The following DNAH12 variants were observed in gnomAD, a reference collection of about 807,000 sequenced individuals.
DNAH12 encodes the protein axonemal beta dynein heavy chain 12.
Under a neutral mutation model 371.5 loss-of-function variants are expected in DNAH12, and 285 were observed. The observed-to-expected ratio is 0.77, with a 90% CI of 0.70 to 0.85. The LOEUF is 0.85. DNAH12 is among the 40% of genes least tolerant of loss of function. The pLI, the probability that DNAH12 is intolerant of heterozygous loss-of-function variation, is 0.00. For missense variants in DNAH12, 3,611 were observed against 3,689.4 expected (o/e 0.98, Z 0.55); for synonymous variants, 1,200 against 1,213.0 (o/e 0.99, Z 0.22).
chr3:57,315,640 G>C (rs748997587), intron 65 of DNAH12, among the ~76,000 whole-genome samples: 3 of 151,932 alleles, frequency 2.0e-5, no homozygotes, highest in Admixed American at 1.3e-4. Flanking sequence ...AGAAAGATGC[G>C]GGTGAAGGTG....
chr3:57,436,888 T>G, intron 30 of DNAH12, 63 bp downstream of exon 30: 1 of 1,148,402 alleles, frequency 8.7e-7, no homozygotes, highest in Non-Finnish European at 1.2e-6. Context: ...GGTTCATGGA[T>G]TTTAGTTGTT....
intron 4 of DNAH12, among the ~76,000 whole-genome samples, chr3:57,515,246 T>C (rs78850245): frequency 0.01 from 1,537 of 152,218 alleles, 30 homozygotes; most frequent in African/African-American, 0.034. Context: ...TAAATACCAT[T>C]CTCCACTAAA....
Position 57,308,025 on chromosome 3 carries a change from T to C in DNAH12, c.11189+1126A>G, listed in dbSNP as rs138634423. ...TGTTCCATCTGCTATTCTACTACTC[T>C]TCAGGGATTATTCAGGCCCCCTCCC... On this transcript the variant is annotated intron_variant, in intron 69 of 73. Coordinates refer to ENST00000495027, the MANE Select transcript of DNAH12 (RefSeq NM_001366028.2). 9.3e-4 allele frequency among the ~76,000 whole-genome samples: 141 copies of C among 152,272 alleles called. 1 individual carries two copies. In the East Asian group the frequency reaches 0.01, roughly 11 times the overall value.
At chr3:57,456,927 A>G (rs184239890) in intron 22 of DNAH12, among the ~76,000 whole-genome samples, 1 of 152,296 alleles carries the variant, frequency 6.6e-6, no homozygotes, top group East Asian at 1.9e-4. Flanking sequence ...GAAATTAACT[A>G]CAAAATTTAT....
intron 25 of DNAH12, among the ~76,000 whole-genome samples, chr3:57,450,023 G>A (rs1269702829): frequency 6.6e-5 from 10 of 152,302 alleles, no homozygotes; most frequent in Non-Finnish European, 1.3e-4. Context: ...ATAGGCAGGT[G>A]GATCACTTGA....
At position 57,394,207 on chromosome 3, in the gene DNAH12, G is replaced by A. The variant is rs1170780295; in HGVS notation, c.7074C>T (p.Asn2358=). 6.6e-6 allele frequency: 1 copy of A among 152,182 alleles called. No homozygotes were observed. Among genetic ancestry groups the A allele is most frequent in the Non-Finnish European group, 1.5e-5 (1 of 68,032 alleles). The allele number at this position is 152,182 out of a possible 1,614,324, so 9.4% of individuals were successfully genotyped here. The part of the protein sequence containing the change: ...DSVLNTGEVP[N]IFAADEKQEV... ...CCTGCTTCTCATCTGCTGCAAAAATGTTAGGCACTTCTCCTGTATTGAGCA... is the reference window on the plus strand; with the variant it reads ...CCTGCTTCTCATCTGCTGCAAAAATATTAGGCACTTCTCCTGTATTGAGCA... The change falls in exon 44 of 74, where the codon AAC becomes AAT. Residue 2358 remains asparagine, a synonymous_variant. Transcript: ENST00000495027.
At position 57,421,520 on chromosome 3, in the gene DNAH12, C is replaced by T. The variant is rs1285316902; in HGVS notation, c.5560G>A (p.Glu1854Lys). 1 of 1,551,542 alleles carries T rather than the reference C, an allele frequency of 6.4e-7. No individual in the cohort carries two copies. Among genetic ancestry groups the T allele is most frequent in the Middle Eastern group, 1.7e-4 (1 of 5,990 alleles). The change falls in exon 36 of 74, where the codon GAG (glutamate) becomes AAG (lysine). Residue 1854 changes from glutamate to lysine, a missense_variant and splice_region_variant. Physicochemically the swap from Glu to Lys is moderately conservative, Grantham distance 56. Around this residue, in one of 3 missense-constraint regions of DNAH12, gnomAD observed 2,266 missense variants for 2,236.9 expected, o/e 1.01. Transcript: ENST00000495027. ...EKGLVYDYMYELKNKGRWVHW... is the reference protein window; with the variant it reads ...EKGLVYDYMYKLKNKGRWVHW... The stretch of plus-strand genomic sequence containing the variant: ...ATAACAAGCTTTTTATGTCATACCT[C>T]ATACATGTAGTCATAGACCAGGCCT...
chr3:57,454,111 A>AACAC (rs1017852114), intron 23 of DNAH12, among the ~76,000 whole-genome samples: 5 of 151,542 alleles, frequency 3.3e-5, no homozygotes, highest in African/African-American at 4.8e-5. Flanking sequence ...CCTGTCTCTA[A>AACAC]ACACACACAC....
chr3:57,361,444 C>CACTATATATATATATATATATA lies in DNAH12; in HGVS notation c.9360+2149_9360+2150insTATATATATATATATATATAGT, dbSNP rs1409626573. ...CACTATATATATATACACACACACA[C>CACTATATATATATATATATATA]TATATATATATATATATATATATAT... On this transcript the variant is annotated intron_variant, in intron 58 of 73. Coordinates refer to ENST00000495027, the MANE Select transcript of DNAH12 (RefSeq NM_001366028.2). 1.2e-3 allele frequency among the ~76,000 whole-genome samples: 139 copies of CACTATATATATATATATATATA among 116,622 alleles called. 3 individuals are homozygous for CACTATATATATATATATATATA. The highest frequency in any genetic ancestry group is 5.4e-3 in the African/African-American group (129 of 23,674). The allele number at this position is 116,622 out of a possible 152,430, so 76.5% of individuals were successfully genotyped here. A position where few individuals can be genotyped will look rare whatever the true frequency, so the allele number is the denominator to read the frequency against.
At chr3:57,444,585 G>T in intron 29 of DNAH12, 112 bp downstream of exon 29, 1 of 1,444,172 alleles carries the variant, frequency 6.9e-7, no homozygotes, top group Non-Finnish European at 9.3e-7. Flanking sequence ...GGACAAAATA[G>T]GGGATTTTCC....
chr3:57,362,028 G>A (rs962075532), intron 58 of DNAH12, among the ~76,000 whole-genome samples: 38 of 136,892 alleles, frequency 2.8e-4, no homozygotes, highest in Non-Finnish European at 4.3e-4. Flanking sequence ...CCCACCCCAT[G>A]ACAGCTCCCA....
intron 30 of DNAH12, among the ~76,000 whole-genome samples, chr3:57,434,411 T>A (rs865842590): frequency 6.6e-6 from 1 of 152,184 alleles, no homozygotes. Flanking sequence ...TCTAACAGCC[T>A]GGGCCCTGAG....
In DNAH12 at chr3:57,445,240, T is replaced by C; in HGVS notation, c.4359A>G (p.Val1453=). 1 of 1,551,262 alleles carries C rather than the reference T, an allele frequency of 6.4e-7. No homozygotes were observed. Among genetic ancestry groups the C allele is most frequent in the Non-Finnish European group, 8.7e-7 (1 of 1,146,716 alleles). Residue 1453 remains valine, a synonymous_variant, in exon 28 of 74, where the codon GTA becomes GTG. Transcript: ENST00000495027. ...TGCCAGCAGCCACTAAAACGGCTTT[T>C]ACTGCTCGCATTCCATAGTCGTAAT... The part of the protein sequence containing the change: ...QFHYDYGMRA[V]KAVLVAAGNL...
intron 12 of DNAH12, among the ~76,000 whole-genome samples, chr3:57,486,401 C>T (rs768294514): frequency 3.3e-5 from 5 of 151,786 alleles, no homozygotes; most frequent in Non-Finnish European, 7.4e-5. Flanking sequence ...AAAACCATGT[C>T]TCTATTAAAT....
chr3:57,326,060 G>A lies in DNAH12; in HGVS notation c.9979-2441C>T, dbSNP rs561531307. 1.6e-3 allele frequency among the ~76,000 whole-genome samples: 237 copies of A among 152,232 alleles called. 1 individual carries two copies. Among genetic ancestry groups the A allele is most frequent in the Non-Finnish European group, 2.6e-3 (175 of 68,014 alleles). ...GCCTCCAAGAAATATGGGACTATGG[G>A]AAAAGACCAAATCTACGTCTGATTG... is the stretch of plus-strand genomic sequence containing the variant. On this transcript the variant is annotated intron_variant, in intron 62 of 73. Transcript: ENST00000495027.
chr3:57,450,380 C>CT (rs1293405930), intron 25 of DNAH12, among the ~76,000 whole-genome samples: 1 of 150,910 alleles, frequency 6.6e-6, no homozygotes, highest in Non-Finnish European at 1.5e-5. Context: ...GAAACCCTGT[C>CT]TCTACCAAAA....
intron 29 of DNAH12, among the ~76,000 whole-genome samples, chr3:57,444,096 G>A (rs969672715): frequency 2.6e-5 from 4 of 151,930 alleles, no homozygotes; most frequent in Non-Finnish European, 5.9e-5. Flanking sequence ...AGCTACTTGG[G>A]AGGCTGAGGC....
rs1000526517 is a variant in DNAH12, at chr3:57,395,671, G to A, written c.6949-1339C>T. Among the ~76,000 whole-genome samples the A allele has an allele frequency of 2.0e-5, 3 of 152,092 alleles. No individual in the cohort carries two copies. In the South Asian group the frequency reaches 6.2e-4, roughly 31 times the overall value. On this transcript the variant is annotated intron_variant, in intron 43 of 73. Coordinates refer to ENST00000495027, the MANE Select transcript of DNAH12 (RefSeq NM_001366028.2). ...TATCAAAATAAATCTTAGGCTGGGT[G>A]CAGTGGCTCACCCCTATAATCTGAG...
At chr3:57,324,351 TA>T (rs1488275825) in intron 62 of DNAH12, among the ~76,000 whole-genome samples, 1 of 152,202 alleles carries the variant, frequency 6.6e-6, no homozygotes, top group African/African-American at 2.4e-5. Flanking sequence ...TAACTATACT[TA>T]GATACCATTT....
Sources: gnomAD v4.1 joint callset for allele counts (sites outside exome capture counted in the v4.1 genomes callset) on GRCh38, gnomAD v4.1.1 for gene constraint, gnomAD v4.1.1 regional missense constraint, MANE v1.5 for transcripts, NCBI Gene and HGNC (gene_info 2026-07-23, HGNC 2026-07-21) for gene names.